The following ASCC3 variants were observed in gnomAD, a reference collection of about 807,000 sequenced individuals.
ASCC3 encodes activating signal cointegrator 1 complex subunit 3, also known as ASC-1 complex subunit P200.
ASCC3 carries 158 observed loss-of-function variants against 256.3 expected under a neutral mutation model. The observed-to-expected ratio is 0.62, with a 90% CI of 0.54 to 0.70. The LOEUF (loss-of-function observed/expected upper bound fraction) is 0.70. Among genes scored for constraint, ASCC3 ranks in the 30% least tolerant of loss-of-function variants. The pLI, the probability that ASCC3 is intolerant of heterozygous loss-of-function variation, is 0.00. For synonymous variants in ASCC3, 948 were observed against 883.4 expected (o/e 1.07, Z -1.30); for missense variants, 2,259 against 2,626.0 (o/e 0.86, Z 3.05).
At chr6:100,681,828 AT>A (rs1238945696) in intron 13 of ASCC3, among the ~76,000 whole-genome samples, 3 of 151,846 alleles carry the variant, frequency 2.0e-5, no homozygotes, top group Non-Finnish European at 1.5e-5. Context: ...TGTTTTCCTA[AT>A]TTTTCAACTA....
At chr6:100,567,683 T>C (rs1562124441) in intron 36 of ASCC3, among the ~76,000 whole-genome samples, 1 of 152,184 alleles carries the variant, frequency 6.6e-6, no homozygotes, top group Non-Finnish European at 1.5e-5. Flanking sequence ...TTGTGTTAAT[T>C]TGCTTAGGAT....
chr6:100,577,367 C>G (rs1293501000), intron 36 of ASCC3, among the ~76,000 whole-genome samples: 1 of 151,942 alleles, frequency 6.6e-6, no homozygotes, highest in African/African-American at 2.4e-5. Context: ...TTCATGATTT[C>G]AATTTTGGTC....
At chr6:100,551,366 C>T (rs1397271920) in intron 36 of ASCC3, among the ~76,000 whole-genome samples, 1 of 151,314 alleles carries the variant, frequency 6.6e-6, no homozygotes, top group African/African-American at 2.4e-5. Flanking sequence ...GGAAGAGGTA[C>T]ATATAATAAT....
chr6:100,744,267 T>C (rs758354944), intron 10 of ASCC3, among the ~76,000 whole-genome samples: 3 of 152,176 alleles, frequency 2.0e-5, no homozygotes, highest in Non-Finnish European at 4.4e-5. Context: ...TTATACCAAA[T>C]AGAGCACTGG....
chr6:100,712,751 CTTTTTT>C (rs58286754), intron 13 of ASCC3, among the ~76,000 whole-genome samples: 15 of 69,748 alleles, frequency 2.2e-4, no homozygotes, highest in African/African-American at 6.0e-4. Context: ...CAATTATACT[CTTTTTT>C]TTTTTTTTTT....
intron 10 of ASCC3, among the ~76,000 whole-genome samples, chr6:100,740,369 G>T (rs138309420): frequency 3.9e-5 from 6 of 152,250 alleles, no homozygotes; most frequent in African/African-American, 4.8e-5. Context: ...ATCAATTTTA[G>T]AGTAAGTGCC....
At chr6:100,722,870 A>G (rs1175535464) in intron 11 of ASCC3, among the ~76,000 whole-genome samples, 1 of 151,854 alleles carries the variant, frequency 6.6e-6, no homozygotes, top group African/African-American at 2.4e-5. Context: ...GCTGCAAAGC[A>G]GCAATTCATT....
chr6:100,590,000 A>G lies in ASCC3; in HGVS notation c.5363T>C (p.Ile1788Thr), dbSNP rs757065795. The change falls in exon 35 of 42, where the codon ATT becomes ACT. Residue 1788 changes from isoleucine to threonine, a missense_variant. This residue lies in a region of ASCC3 where 1,839 missense variants were observed against 2,206.7 expected (regional missense o/e 0.83). Transcript: ENST00000369162. ...TTCCAATTCAATCAGGGACTTCTCA[A>G]TCAGATGGGACAGAAACTTGTTCAC... is the stretch of plus-strand genomic sequence containing the variant. ...DSVNKFLSHL[I>T]EKSLIELELS... 1 of 1,613,748 alleles carries G rather than the reference A, an allele frequency of 6.2e-7. No homozygotes were observed.
intron 10 of ASCC3, among the ~76,000 whole-genome samples, chr6:100,734,325 T>C (rs1780046717): frequency 1.3e-5 from 2 of 152,208 alleles, no homozygotes; most frequent in South Asian, 4.1e-4. Context: ...AAAATGAGTT[T>C]TTGATACGAC....
chr6:100,813,251 T>C (rs1022437681), intron 4 of ASCC3, among the ~76,000 whole-genome samples: 4 of 152,028 alleles, frequency 2.6e-5, no homozygotes, highest in African/African-American at 9.7e-5. Context: ...AGTTCAGCAG[T>C]TCAAGACAGG....
chr6:100,837,266 A>T (rs1267848906), intron 4 of ASCC3, among the ~76,000 whole-genome samples: 1 of 152,112 alleles, frequency 6.6e-6, no homozygotes, highest in Non-Finnish European at 1.5e-5. Context: ...AAGAAAAGGG[A>T]CCTCTTATAC....
intron 29 of ASCC3, 140 bp downstream of exon 29, chr6:100,627,450 A>T: frequency 5.4e-6 from 6 of 1,108,356 alleles, no homozygotes; most frequent in Non-Finnish European, 7.9e-6. Context: ...GTATTCCTTA[A>T]CAGTTGAGAC....
intron 3 of ASCC3, chr6:100,857,766 T>A (rs1773021611): frequency 6.6e-6 from 1 of 152,042 alleles, no homozygotes; most frequent in African/African-American, 2.4e-5. Flanking sequence ...TAAGATCTAC[T>A]AGAGTAAGTT....
At chr6:100,736,171 T>C (rs1367146246) in intron 10 of ASCC3, among the ~76,000 whole-genome samples, 1 of 152,194 alleles carries the variant, frequency 6.6e-6, no homozygotes, top group Non-Finnish European at 1.5e-5. Context: ...TCTTGTCTAA[T>C]GAGGAAAACA....
chr6:100,618,758 G>A (rs1217208582), intron 30 of ASCC3, among the ~76,000 whole-genome samples: 2 of 152,180 alleles, frequency 1.3e-5, no homozygotes, highest in Non-Finnish European at 2.9e-5. Flanking sequence ...GAGGAGACAC[G>A]TATTCATCTC....
chr6:100,872,450 A>G (rs533168083), intron 1 of ASCC3, among the ~76,000 whole-genome samples: 11 of 102,272 alleles, frequency 1.1e-4, no homozygotes, highest in Middle Eastern at 4.6e-3. Flanking sequence ...CTGAGACCTG[A>G]GTAGAAAAAA....
chr6:100,856,476 T>A, intron 3 of ASCC3: 4 of 895,282 alleles, frequency 4.5e-6, no homozygotes, highest in Non-Finnish European at 5.3e-6. Flanking sequence ...ATAAAAATCA[T>A]AGTAATTCTT....
At chr6:100,578,470 C>T (rs74973181) in intron 36 of ASCC3, among the ~76,000 whole-genome samples, 1,902 of 152,064 alleles carry the variant, frequency 0.013, 45 homozygotes, top group African/African-American at 0.045. Context: ...TCTTCGTGTC[C>T]ATGTATTCTC....
chr6:100,715,367 T>C, intron 13 of ASCC3, 95 bp downstream of exon 13: 1 of 1,120,476 alleles, frequency 8.9e-7, no homozygotes, highest in East Asian at 2.6e-5. Context: ...TAAAGAAAAA[T>C]TTTCTTCTGA....
Sources: gnomAD v4.1 joint callset for allele counts (sites outside exome capture counted in the v4.1 genomes callset) on GRCh38, gnomAD v4.1.1 for gene constraint, gnomAD v4.1.1 regional missense constraint, MANE v1.5 for transcripts, NCBI Gene and HGNC (gene_info 2026-07-23, HGNC 2026-07-21) for gene names.